WHAMM: variants seen among roughly 807,000 people sequenced by gnomAD.
WHAMM encodes the protein WASP homolog associated with actin, golgi membranes and microtubules.
WHAMM carries 67 observed loss-of-function variants against 76.5 expected under a neutral mutation model. The observed-to-expected ratio is 0.88, with a 90% confidence interval of 0.72 to 1.07. The LOEUF is 1.07. WHAMM is among the 50% of genes least tolerant of loss of function. The pLI is 0.00. For missense variants in WHAMM, 1,021 were observed against 1,051.1 expected, an observed-to-expected ratio of 0.97 and a Z score of 0.40; for synonymous variants, 419 against 422.1, an observed-to-expected ratio of 0.99 and a Z score of 0.09.
At chr15:82,831,256 G>C (rs760298203) in intron 9 of WHAMM, among the ~76,000 whole-genome samples, 177 bp downstream of exon 9, 21 of 152,124 alleles carry the variant, frequency 1.4e-4, no homozygotes, top group Non-Finnish European at 2.6e-4. Context: ...AGTTAGTATA[G>C]TATAGCCTAA....
chr15:82,835,042 C>A lies in WHAMM; in HGVS notation c.*1506C>A, dbSNP rs2051109154. ...CACCCTCACTCTGGTGATATTACTCCTGGGTCTCCACAGAACAAAAGGAAC... is the reference window on the plus strand; with the variant it reads ...CACCCTCACTCTGGTGATATTACTCATGGGTCTCCACAGAACAAAAGGAAC... On this transcript the variant is annotated 3_prime_UTR_variant, in exon 10 of 10. Coordinates refer to ENST00000286760, the MANE Select transcript of WHAMM (RefSeq NM_001080435.3). 6.6e-6 allele frequency: 1 copy of A among 152,212 alleles called. No individual in the cohort carries two copies. The highest frequency in any genetic ancestry group is 6.5e-5 in the Admixed American group (1 of 15,282). The allele number at this position is 152,212 out of a possible 1,614,324, so 9.4% of individuals were successfully genotyped here. A position where few individuals can be genotyped will look rare whatever the true frequency, so the allele number is the denominator to read the frequency against.
chr15:82,826,582 C>T (rs977654036), intron 7 of WHAMM, 86 bp downstream of exon 7: 77 of 1,583,426 alleles, frequency 4.9e-5, no homozygotes, highest in Non-Finnish European at 6.6e-5. Flanking sequence ...TTGCGCTGCC[C>T]TGGACCTGCA....
At chr15:82,817,485 A>G (rs2050745631) in intron 3 of WHAMM, among the ~76,000 whole-genome samples, 2 of 152,220 alleles carry the variant, frequency 1.3e-5, no homozygotes, top group African/African-American at 4.8e-5. Context: ...GTACCTTCAT[A>G]AAACAGAAAA....
intron 5 of WHAMM, among the ~76,000 whole-genome samples, chr15:82,821,061 A>T (rs1164831475): frequency 6.6e-6 from 1 of 152,218 alleles, no homozygotes; most frequent in Non-Finnish European, 1.5e-5. Flanking sequence ...AATATTGAAC[A>T]AAATTTTGTA....
chr15:82,827,364 T>C (rs957309337), intron 8 of WHAMM, among the ~76,000 whole-genome samples: 2 of 152,164 alleles, frequency 1.3e-5, no homozygotes, highest in African/African-American at 4.8e-5. Flanking sequence ...ATGCCCTCTG[T>C]TCTAGGCCTA....
intron 3 of WHAMM, 32 bp downstream of exon 3, chr15:82,816,874 C>A: frequency 1.3e-6 from 2 of 1,534,210 alleles, no homozygotes; most frequent in South Asian, 2.4e-5. Flanking sequence ...TATGAAGATA[C>A]ATGTAATTGA....
At chr15:82,827,525 T>C (rs1308998043) in intron 8 of WHAMM, among the ~76,000 whole-genome samples, 1 of 152,230 alleles carries the variant, frequency 6.6e-6, no homozygotes, top group Non-Finnish European at 1.5e-5. Flanking sequence ...ATAATCATTG[T>C]ACATATTTAT....
intron 4 of WHAMM, among the ~76,000 whole-genome samples, chr15:82,818,373 A>C (rs2050763758): frequency 6.6e-6 from 1 of 152,232 alleles, no homozygotes; most frequent in East Asian, 1.9e-4. Flanking sequence ...ACCATGTGGT[A>C]AAGCACACTT....
chr15:82,830,703 G>GGT lies in WHAMM; in HGVS notation c.1749_1750dup (p.Ser584CysfsTer3). ...AGATGTGCTTGCCAGCTTCCCACGC[G>GGT]GTGTCAGTAATTCACCCGTCCTCTA... On this transcript the variant is annotated frameshift_variant, in exon 9 of 10. Transcript: ENST00000286760. LOFTEE classifies it high-confidence loss of function. 1 of 1,613,858 alleles carries GGT rather than the reference G, an allele frequency of 6.2e-7. No individual in the cohort carries two copies. The highest frequency in any genetic ancestry group is 8.5e-7 in the Non-Finnish European group (1 of 1,179,862).
chr15:82,827,060 A>T (rs1430143261), intron 8 of WHAMM, among the ~76,000 whole-genome samples: 1 of 152,214 alleles, frequency 6.6e-6, no homozygotes, highest in Non-Finnish European at 1.5e-5. Context: ...TGTTTTTGAC[A>T]TCACAACACG....
intron 8 of WHAMM, among the ~76,000 whole-genome samples, chr15:82,828,609 G>T (rs2050976677): frequency 6.6e-6 from 1 of 152,192 alleles, no homozygotes; most frequent in Non-Finnish European, 1.5e-5. Context: ...TCAGATCAAG[G>T]AATTGTTTGG....
intron 1 of WHAMM, among the ~76,000 whole-genome samples, chr15:82,812,454 T>G (rs1435181787): frequency 2.6e-5 from 4 of 152,046 alleles, no homozygotes; most frequent in Non-Finnish European, 2.9e-5. Context: ...GGTCTCGATC[T>G]CCTGACCTCG....
chr15:82,819,240 G>T, intron 4 of WHAMM, 83 bp from the exon 5 acceptor site: 1 of 539,170 alleles, frequency 1.9e-6, no homozygotes, highest in Admixed American at 4.8e-5. Flanking sequence ...ACAAGGAATA[G>T]AAAATAGCTA....
At chr15:82,816,640 G>GCT in intron 2 of WHAMM, 52 bp from the exon 3 acceptor site, 1 of 1,483,604 alleles carries the variant, frequency 6.7e-7, no homozygotes, top group Non-Finnish European at 9.0e-7. Flanking sequence ...TTTCCTAATG[G>GCT]CTCTACATAA....
At chr15:82,829,166 A>C (rs12905235) in intron 8 of WHAMM, among the ~76,000 whole-genome samples, 123,975 of 152,264 alleles carry the variant, frequency 0.81, 50,703 homozygotes, top group African/African-American at 0.89. Context: ...GACAGGCTGT[A>C]TGTGCAATAT....
intron 6 of WHAMM, among the ~76,000 whole-genome samples, chr15:82,823,908 A>G (rs946517432): frequency 4.6e-5 from 7 of 152,196 alleles, no homozygotes; most frequent in Non-Finnish European, 8.8e-5. Context: ...CTCTATTTCT[A>G]ATAGCCAACT....
chr15:82,833,490 C>G lies in WHAMM; in HGVS notation c.2384C>G (p.Ser795Cys), dbSNP rs376698866. 6.2e-7 allele frequency: 1 copy of G among 1,613,870 alleles called. No homozygotes were observed. Among genetic ancestry groups the G allele is most frequent in the East Asian group, 2.2e-5 (1 of 44,896 alleles). ...AGAATCAAGAGGGTGTCTGCTGACT[C>G]TGAGGAGGACAGTGATGAGCAGGAC... ...LQRIKRVSAD[S>C]EEDSDEQDPG... Residue 795 changes from serine (S) to cysteine (C), a missense_variant, in exon 10 of 10, where the codon TCT becomes TGT. By Grantham distance (112) the Ser-to-Cys change is moderately radical. This residue lies in a region of WHAMM where 509 missense variants were observed against 492.3 expected (regional missense o/e 1.03). Transcript: ENST00000286760.
At chr15:82,811,045 C>G (rs1433555145) in intron 1 of WHAMM, among the ~76,000 whole-genome samples, 1 of 152,170 alleles carries the variant, frequency 6.6e-6, no homozygotes, top group Non-Finnish European at 1.5e-5. Context: ...GCTGGAGTCT[C>G]GGCTCACTGC....
At position 82,816,900 on chromosome 15, in the gene WHAMM, A is replaced by G. The variant is rs2050736572; in HGVS notation, c.934+58A>G. Reference sequence around the variant, plus strand: ...ATGTAATTGATTATCATTTTATTCAAATACCATTTGAGTCCCTCTTACGCA... The same window carrying G: ...ATGTAATTGATTATCATTTTATTCAGATACCATTTGAGTCCCTCTTACGCA... On this transcript the variant is annotated intron_variant, in intron 3 of 9. Transcript: ENST00000286760. 16 of 1,503,048 alleles carry G rather than the reference A, an allele frequency of 1.1e-5. No individual in the cohort carries two copies. In the South Asian group the frequency reaches 1.3e-4, roughly 12 times the overall value. 93.1% of individuals were successfully genotyped at this position (1,503,048 alleles called of 1,614,324 possible). A position where few individuals can be genotyped will look rare whatever the true frequency, so the allele number is the denominator to read the frequency against.
Sources: allele counts gnomAD v4.1 joint callset (sites outside exome capture counted in the v4.1 genomes callset), GRCh38; gene constraint gnomAD v4.1.1; regional missense constraint gnomAD v4.1.1; transcripts MANE v1.5; gene names NCBI Gene and HGNC (gene_info 2026-07-23, HGNC 2026-07-21).